The following SETD1A variants were observed in gnomAD, a reference collection of about 807,000 sequenced individuals.
SETD1A encodes the protein SET domain containing 1A, histone lysine methyltransferase.
In SETD1A, 29 loss-of-function variants were observed where a neutral mutation model predicts 149.9. That is an observed-to-expected ratio of 0.19 (90% CI 0.14 to 0.26). The LOEUF is 0.26. SETD1A is among the 10% of genes least tolerant of loss of function. The pLI is 1.00. For synonymous variants in SETD1A, 1,141 were observed against 968.5 expected, an observed-to-expected ratio of 1.18 and a Z score of -3.31; for missense variants, 2,109 against 2,353.1, an observed-to-expected ratio of 0.90 and a Z score of 2.15.
intron 11 of SETD1A, 24 bp downstream of exon 11, chr16:30,969,486 T>C (rs1161399430): frequency 6.2e-7 from 1 of 1,600,230 alleles, no homozygotes; most frequent in Admixed American, 1.7e-5. Context: ...CGCCGGCTCC[T>C]GGCCGAAGCC....
intron 13 of SETD1A, among the ~76,000 whole-genome samples, chr16:30,978,940 A>G (rs939462364): frequency 1.3e-5 from 2 of 152,210 alleles, no homozygotes; most frequent in Non-Finnish European, 2.9e-5. Context: ...CACGTGTCAC[A>G]GCGGGAACGA....
At chr16:30,974,428 G>A (rs1277091806) in intron 13 of SETD1A, among the ~76,000 whole-genome samples, 1 of 152,144 alleles carries the variant, frequency 6.6e-6, no homozygotes, top group African/African-American at 2.4e-5. Flanking sequence ...TTCCCATCCT[G>A]TGAGAGCAGT....
chr16:30,982,233 G>T lies in SETD1A; in HGVS notation c.4812+1053G>T, dbSNP rs2056388355. Among the ~76,000 whole-genome samples the T allele has an allele frequency of 2.6e-5, 4 of 152,198 alleles. No individual in the cohort carries two copies. The South Asian group carries it at 8.3e-4, about 31-fold the overall frequency. ...ACCAGGGCCATGGCCAGGCGCGGTG[G>T]CTCATGCCTGTAATCCGAGCACTTT... On this transcript the variant is annotated intron_variant, in intron 17 of 18. Coordinates refer to ENST00000262519, the MANE Select transcript of SETD1A (RefSeq NM_014712.3).
At chr16:30,973,842 A>G (rs2056254398) in intron 13 of SETD1A, among the ~76,000 whole-genome samples, 1 of 151,986 alleles carries the variant, frequency 6.6e-6, no homozygotes, top group Non-Finnish European at 1.5e-5. Context: ...TGACTCTCCA[A>G]CCTCTTCTGG....
At chr16:30,967,440 C>T (rs1567354921) in intron 9 of SETD1A, 61 bp from the exon 10 acceptor site, 33 of 1,474,454 alleles carry the variant, frequency 2.2e-5, no homozygotes, top group Middle Eastern at 3.4e-4. Context: ...AGGAGTGAGC[C>T]ACCGTGCTCT....
At chr16:30,976,788 C>T (rs1324551818) in intron 13 of SETD1A, among the ~76,000 whole-genome samples, 1 of 151,990 alleles carries the variant, frequency 6.6e-6, no homozygotes, top group Non-Finnish European at 1.5e-5. Flanking sequence ...GGCGTGATTG[C>T]CAAGTCCCCT....
rs2056405598 is a variant in SETD1A, at chr16:30,983,315, C to G, written c.4813-320C>G. On this transcript the variant is annotated intron_variant, in intron 17 of 18. Coordinates refer to ENST00000262519, the MANE Select transcript of SETD1A (RefSeq NM_014712.3). This position sits in a 1 kb window ranked among gnomAD's most constrained non-coding sequence, Gnocchi z 6.8. ...GTCATTTCAGGAGCTGCCCCAACCC[C>G]AGACTTGCCCCAGCAGTCCGGGACC... Among the ~76,000 whole-genome samples the G allele has an allele frequency of 1.3e-5, 2 of 152,200 alleles. No homozygotes were observed. Among genetic ancestry groups the G allele is most frequent in the African/African-American group, 4.8e-5 (2 of 41,438 alleles).
intron 13 of SETD1A, among the ~76,000 whole-genome samples, chr16:30,975,540 C>T (rs987763803): frequency 8.0e-5 from 12 of 149,762 alleles, no homozygotes; most frequent in African/African-American, 2.9e-4. Flanking sequence ...ATGTGATTCT[C>T]CTGCCTCAGC....
intron 6 of SETD1A, 120 bp from the exon 7 acceptor site, chr16:30,964,492 C>T (rs1487123982): frequency 8.7e-6 from 13 of 1,500,838 alleles, no homozygotes; most frequent in East Asian, 2.3e-5. Flanking sequence ...TAGCTAGGAA[C>T]CCAACATATA....
intron 8 of SETD1A, 82 bp from the exon 9 acceptor site, chr16:30,966,802 C>T (rs2056153680): frequency 1.4e-6 from 2 of 1,427,148 alleles, no homozygotes; most frequent in South Asian, 1.5e-5. Flanking sequence ...GTTCTGTATT[C>T]CTGGGGTCCG....
At chr16:30,958,637 C>T (rs1257620802) in intron 1 of SETD1A, 80 bp from the exon 2 acceptor site, 1 of 1,257,608 alleles carries the variant, frequency 8.0e-7, no homozygotes, top group Middle Eastern at 2.0e-4. Context: ...AACCTGGAAT[C>T]GGGGCTAGCC....
At chr16:30,970,809 C>T (rs1022746898) in intron 12 of SETD1A, among the ~76,000 whole-genome samples, 2 of 152,190 alleles carry the variant, frequency 1.3e-5, no homozygotes, top group Non-Finnish European at 2.9e-5. Context: ...TCCTCCAGTC[C>T]GCTCCCCAGC....
Position 30,966,931 on chromosome 16 carries a change from G to T in SETD1A, c.2553G>T (p.Glu851Asp). 1 of 1,574,928 alleles carries T rather than the reference G, an allele frequency of 6.3e-7. No homozygotes were observed. The highest frequency in any genetic ancestry group is 8.6e-7 in the Non-Finnish European group (1 of 1,160,532). ...AGCAAGCCAAGGAGGAGGATAAAGA[G>T]AAGACGAAGCTGAAGGAGCCTGGCC... Reference protein sequence around the residue: ...AKQQAKEEDKEKTKLKEPGLL... With the variant: ...AKQQAKEEDKDKTKLKEPGLL... The change falls in exon 9 of 19, where the codon GAG (glutamate) becomes GAT (aspartate). Residue 851 changes from glutamate (E) to aspartate (D), a missense_variant. By Grantham distance (45) the Glu-to-Asp change is conservative. This residue lies in a region of SETD1A where 832 missense variants were observed against 815.6 expected (regional missense o/e 1.02). Coordinates refer to ENST00000262519, the MANE Select transcript of SETD1A (RefSeq NM_014712.3).
Position 30,983,714 on chromosome 16 carries a change from C to A in SETD1A, c.4892C>A (p.Thr1631Asn). The part of the protein sequence containing the change: ...SSYLFRVDHD[T>N]IIDATKCGNL... The stretch of plus-strand genomic sequence containing the variant: ...TACCTGTTCCGGGTGGACCACGACA[C>A]CATCATCGATGCCACCAAGTGTGGC... The change falls in exon 18 of 19, where the codon ACC becomes AAC. Residue 1631 changes from threonine to asparagine, a missense_variant. Around this residue, in one of 8 missense-constraint regions of SETD1A, gnomAD observed 254 missense variants for 409.3 expected, o/e 0.62. Coordinates refer to ENST00000262519, the MANE Select transcript of SETD1A (RefSeq NM_014712.3). This position sits in a 1 kb window ranked among gnomAD's most constrained non-coding sequence, Gnocchi z 6.8. 6.2e-7 allele frequency: 1 copy of A among 1,614,156 alleles called. No homozygotes were observed. Among genetic ancestry groups the A allele is most frequent in the South Asian group, 1.1e-5 (1 of 91,068 alleles).
chr16:30,978,308 G>A (rs2056313031), intron 13 of SETD1A, among the ~76,000 whole-genome samples: 1 of 151,892 alleles, frequency 6.6e-6, no homozygotes, highest in African/African-American at 2.4e-5. Flanking sequence ...AACCTCTTTG[G>A]GCTGTTGTGA....
chr16:30,976,772 T>C (rs1251827287), intron 13 of SETD1A, among the ~76,000 whole-genome samples: 1 of 151,930 alleles, frequency 6.6e-6, no homozygotes, highest in Non-Finnish European at 1.5e-5. Flanking sequence ...AGAATCCAGG[T>C]AAACAGGCGT....
chr16:30,980,791 G>A lies in SETD1A; in HGVS notation c.4634G>A (p.Ser1545Asn), dbSNP rs781585708. Residue 1545 changes from serine to asparagine, a missense_variant, in exon 16 of 19, where the codon AGC becomes AAC. By Grantham distance (46) the Ser-to-Asn change is conservative. This residue lies in a region of SETD1A where 254 missense variants were observed against 409.3 expected (regional missense o/e 0.62). Transcript: ENST00000262519. This position sits in a 1 kb window ranked among gnomAD's most constrained non-coding sequence, Gnocchi z 7.7. ...ERRSEQRRLL[S>N]AIGTSAIMDS... ...CGGTCCGAGCAGCGGCGGCTGCTGAGCGCCATCGGTACCTCCGCCATCATG... is the reference window on the plus strand; with the variant it reads ...CGGTCCGAGCAGCGGCGGCTGCTGAACGCCATCGGTACCTCCGCCATCATG... 6.2e-7 allele frequency: 1 copy of A among 1,609,390 alleles called. No homozygotes were observed. The highest frequency in any genetic ancestry group is 1.1e-5 in the South Asian group (1 of 91,022).
chr16:30,969,921 CA>C (rs1383515414), intron 12 of SETD1A, among the ~76,000 whole-genome samples: 1 of 152,156 alleles, frequency 6.6e-6, no homozygotes, highest in Non-Finnish European at 1.5e-5. Context: ...CATAGCTGTC[CA>C]AAAGGACAGC....
At chr16:30,982,835 G>A (rs1333665428) in intron 17 of SETD1A, among the ~76,000 whole-genome samples, 3 of 152,186 alleles carry the variant, frequency 2.0e-5, no homozygotes, top group African/African-American at 7.2e-5. Context: ...AGCAGTGAGA[G>A]GGTGAGGGGG....
Sources: allele counts gnomAD v4.1 joint callset (sites outside exome capture counted in the v4.1 genomes callset), GRCh38; gene constraint gnomAD v4.1.1; regional missense constraint gnomAD v4.1.1; non-coding constraint Gnocchi (gnomAD v3.1); transcripts MANE v1.5; gene names NCBI Gene and HGNC (gene_info 2026-07-23, HGNC 2026-07-21).